Variants in DIAPH3 observed in about 807,000 individuals in gnomAD.
DIAPH3 encodes protein diaphanous homolog 3.
DIAPH3 carries 117 observed loss-of-function variants against 144.3 expected under a neutral mutation model. That is an observed-to-expected ratio of 0.81 (90% confidence interval 0.70 to 0.95). The LOEUF is 0.95. DIAPH3 is among the 40% of genes least tolerant of loss of function. DIAPH3 has a pLI of 0.00. For missense variants in DIAPH3, 1,421 were observed against 1,412.7 expected (o/e 1.01, Z -0.09); for synonymous variants, 519 against 488.9 (o/e 1.06, Z -0.81).
chr13:59,861,300 G>T (rs1157732342), intron 22 of DIAPH3, 107 bp downstream of exon 22: 5 of 1,587,926 alleles, frequency 3.1e-6, no homozygotes, highest in Non-Finnish European at 4.3e-6. Flanking sequence ...TATTGGGTAT[G>T]AAAACACTGT....
chr13:59,871,210 C>T (rs1394685065), intron 21 of DIAPH3, among the ~76,000 whole-genome samples: 3 of 142,050 alleles, frequency 2.1e-5, no homozygotes, highest in East Asian at 2.1e-4. Context: ...GGGGGGGTGG[C>T]GGGCATTCTA....
intron 20 of DIAPH3, among the ~76,000 whole-genome samples, chr13:59,902,388 A>G (rs775882933): frequency 3.3e-5 from 5 of 151,960 alleles, no homozygotes; most frequent in Non-Finnish European, 7.4e-5. Flanking sequence ...TACACCTTCC[A>G]CCATGATCAT....
intron 27 of DIAPH3, among the ~76,000 whole-genome samples, chr13:59,723,819 T>C (rs964600254): frequency 6.6e-6 from 1 of 151,468 alleles, no homozygotes; most frequent in East Asian, 1.9e-4. Context: ...TTCACTATGT[T>C]GGCCAGGCTG....
intron 4 of DIAPH3, among the ~76,000 whole-genome samples, chr13:60,072,406 T>C (rs1303524109): frequency 6.6e-6 from 1 of 152,172 alleles, no homozygotes; most frequent in Admixed American, 6.5e-5. Flanking sequence ...ATTGATAAGC[T>C]TTCATACATG....
At chr13:60,128,503 G>A (rs987862809) in intron 2 of DIAPH3, among the ~76,000 whole-genome samples, 4 of 152,064 alleles carry the variant, frequency 2.6e-5, no homozygotes, top group South Asian at 2.1e-4. Flanking sequence ...ATAAATGCAC[G>A]GTTTACCAAG....
chr13:60,136,390 A>G (rs2059275950), intron 1 of DIAPH3, among the ~76,000 whole-genome samples: 1 of 151,982 alleles, frequency 6.6e-6, no homozygotes, highest in Admixed American at 6.6e-5. Flanking sequence ...ATAGAAACAT[A>G]AAACCGACTA....
intron 4 of DIAPH3, among the ~76,000 whole-genome samples, chr13:60,077,542 G>A (rs903514387): frequency 6.6e-6 from 1 of 151,974 alleles, no homozygotes; most frequent in East Asian, 1.9e-4. Context: ...TATTTTAGTT[G>A]CCATAAGAAA....
chr13:59,980,503 T>C (rs1302892829), intron 14 of DIAPH3, among the ~76,000 whole-genome samples: 1 of 151,556 alleles, frequency 6.6e-6, no homozygotes, highest in African/African-American at 2.4e-5. Context: ...AAGTTTACTG[T>C]TAGGGTGAAA....
chr13:60,099,436 T>C (rs947805020), intron 3 of DIAPH3, among the ~76,000 whole-genome samples: 12 of 152,176 alleles, frequency 7.9e-5, no homozygotes, highest in Non-Finnish European at 1.6e-4. Flanking sequence ...CAAAAAATGC[T>C]GGGGACACAG....
intron 20 of DIAPH3, among the ~76,000 whole-genome samples, chr13:59,888,644 A>T (rs913558371): frequency 1.3e-5 from 2 of 152,268 alleles, no homozygotes; most frequent in South Asian, 2.1e-4. Context: ...TCAAAAAATC[A>T]TAAGAAAAAA....
chr13:59,731,788 T>C (rs1272557519), intron 27 of DIAPH3, among the ~76,000 whole-genome samples: 1 of 152,200 alleles, frequency 6.6e-6, no homozygotes, highest in Non-Finnish European at 1.5e-5. Flanking sequence ...GTAAAGTTGC[T>C]TAGCTTTTCA....
chr13:59,675,875 G>T (rs2032623868), intron 27 of DIAPH3, among the ~76,000 whole-genome samples: 1 of 152,166 alleles, frequency 6.6e-6, no homozygotes, highest in Non-Finnish European at 1.5e-5. Flanking sequence ...GGATGAAGAG[G>T]CTGGGGAGAG....
chr13:60,031,000 T>C (rs1204790640), intron 5 of DIAPH3, among the ~76,000 whole-genome samples: 1 of 152,190 alleles, frequency 6.6e-6, no homozygotes, highest in Non-Finnish European at 1.5e-5. Flanking sequence ...TTCTTTCATA[T>C]TATTGTATTA....
chr13:60,003,297 GTAAT>G (rs914971689), intron 9 of DIAPH3, among the ~76,000 whole-genome samples: 1 of 152,038 alleles, frequency 6.6e-6, no homozygotes, highest in African/African-American at 2.4e-5. Context: ...AATTTGTGAA[GTAAT>G]TAATTGATAT....
At chr13:60,030,467 T>A (rs979910449) in intron 5 of DIAPH3, among the ~76,000 whole-genome samples, 1 of 152,188 alleles carries the variant, frequency 6.6e-6, no homozygotes, top group East Asian at 1.9e-4. Flanking sequence ...CCTGCTCTCC[T>A]GTCTTGCAAA....
chr13:59,870,515 T>C (rs2044193698), intron 21 of DIAPH3, among the ~76,000 whole-genome samples: 1 of 152,076 alleles, frequency 6.6e-6, no homozygotes, highest in Non-Finnish European at 1.5e-5. Flanking sequence ...ATAAAATAAC[T>C]TGCTGGAACT....
intron 20 of DIAPH3, among the ~76,000 whole-genome samples, chr13:59,892,254 G>A (rs1241750660): frequency 6.6e-6 from 1 of 151,840 alleles, no homozygotes; most frequent in African/African-American, 2.4e-5. Context: ...GGGCCCAAGA[G>A]GAAACAGCAA....
rs572976815 is a variant in DIAPH3 at position 59,897,629 on chromosome 13, T to C, written c.2367+14106A>G. On this transcript the variant is annotated intron_variant, in intron 20 of 27. Transcript: ENST00000400324. ...TAGGCATGGTGGCGTGCACCTGTAA[T>C]TGCAGCTACTCGTGAGGCTGAGGCA... 7.9e-5 allele frequency among the ~76,000 whole-genome samples: 12 copies of C among 151,644 alleles called. No individual in the cohort carries two copies. The South Asian group carries it at 1.0e-3, about 13-fold the overall frequency.
At chr13:60,081,368 T>G (rs1200465280) in intron 4 of DIAPH3, among the ~76,000 whole-genome samples, 1 of 151,986 alleles carries the variant, frequency 6.6e-6, no homozygotes, top group East Asian at 1.9e-4. Context: ...AGCTAACAGC[T>G]AAAAGTTACA....
Sources: gnomAD v4.1 joint callset for allele counts (sites outside exome capture counted in the v4.1 genomes callset) on GRCh38, gnomAD v4.1.1 for gene constraint, MANE v1.5 for transcripts, NCBI Gene and HGNC (gene_info 2026-07-23, HGNC 2026-07-21) for gene names.